SUN1: variants seen among roughly 807,000 people sequenced by gnomAD.
SUN1 encodes SUN domain-containing protein 1.
A neutral mutation model predicts 103.2 loss-of-function variants in SUN1; 61 were observed. The ratio of observed to expected loss-of-function variants is 0.59; its 90% confidence interval spans 0.48 to 0.73. The LOEUF is 0.73. SUN1 is among the 30% of genes least tolerant of loss of function. SUN1 has a pLI of 0.00. For missense variants in SUN1, 1,052 were observed against 1,034.6 expected (o/e 1.02, Z -0.23); for synonymous variants, 490 against 425.7 (o/e 1.15, Z -1.86).
intron 1 of SUN1, among the ~76,000 whole-genome samples, chr7:819,867 C>T (rs1784400699): frequency 6.6e-6 from 1 of 152,120 alleles, no homozygotes; most frequent in South Asian, 2.1e-4. Flanking sequence ...CGCCACCACA[C>T]ACAGCTAATT....
At chr7:860,610 T>G (rs531984304) in intron 14 of SUN1, among the ~76,000 whole-genome samples, 6 of 152,344 alleles carry the variant, frequency 3.9e-5, no homozygotes, top group East Asian at 1.9e-4. Flanking sequence ...CTGAGCTGCT[T>G]CTTGGGAGTT....
chr7:838,186 G>A (rs985245093), intron 1 of SUN1, among the ~76,000 whole-genome samples: 8 of 152,176 alleles, frequency 5.3e-5, no homozygotes, highest in Middle Eastern at 3.2e-3. Flanking sequence ...CCTAAGTGCT[G>A]GGATTGCAGG....
At chr7:833,863 G>C (rs988907677) in intron 1 of SUN1, among the ~76,000 whole-genome samples, 16 of 152,248 alleles carry the variant, frequency 1.1e-4, no homozygotes, top group African/African-American at 7.2e-5. Context: ...CGTGCAGCAT[G>C]AAACAGTGAT....
At position 823,616 on chromosome 7, in the gene SUN1, G is replaced by A. The variant is rs777786939; in HGVS notation, c.-74+6943G>A. Among the ~76,000 whole-genome samples the A allele has an allele frequency of 2.6e-5, 4 of 152,312 alleles. No individual in the cohort carries two copies. In the Middle Eastern group the frequency reaches 0.01, roughly 389 times the overall value. The stretch of plus-strand genomic sequence containing the variant: ...AAGTAGCAGCATTTGCACCAGTGCC[G>A]TGTGTGCAGGCAGCCATGGGGGGAG... On this transcript the variant is annotated intron_variant, in intron 1 of 17. Coordinates refer to the SUN1 transcript ENST00000389574.
intron 15 of SUN1, among the ~76,000 whole-genome samples, chr7:863,129 G>C (rs10258320): frequency 6.6e-6 from 1 of 150,640 alleles, no homozygotes; most frequent in East Asian, 2.0e-4. Flanking sequence ...GTGACAGAGC[G>C]AGACTCCATC....
chr7:839,942 C>A (rs771406605), intron 2 of SUN1, among the ~76,000 whole-genome samples: 2 of 152,196 alleles, frequency 1.3e-5, no homozygotes, highest in Non-Finnish European at 2.9e-5. Flanking sequence ...TTGCGTTCGT[C>A]GAGTTCATTT....
At chr7:843,182 G>T in intron 3 of SUN1, 24 bp from the exon 4 acceptor site, 1 of 1,588,320 alleles carries the variant, frequency 6.3e-7, no homozygotes. Flanking sequence ...AAAAATGTGT[G>T]TGTGTGTGTG....
chr7:841,970 A>C lies in SUN1; in HGVS notation c.291A>C (p.Thr97=). Residue 97 remains threonine (T), a synonymous_variant, in exon 3 of 19, where the codon ACA becomes ACC. Coordinates refer to ENST00000401592, the MANE Select transcript of SUN1 (RefSeq NM_001130965.3). The part of the protein sequence containing the change: ...AARTTKQRRS[T]NKSAFSINHV... Reference sequence around the variant, plus strand: ...GAACAACAAAACAGCGCAGAAGCACAAACAAATCAGCTTTTAGTATCAACC... The same window carrying C: ...GAACAACAAAACAGCGCAGAAGCACCAACAAATCAGCTTTTAGTATCAACC... The C allele has an allele frequency of 6.2e-7, 1 of 1,614,168 alleles. No individual in the cohort carries two copies. Among genetic ancestry groups the C allele is most frequent in the Non-Finnish European group, 8.5e-7 (1 of 1,180,034 alleles).
chr7:849,932 G>A (rs1018971061), intron 5 of SUN1: 10 of 1,597,318 alleles, frequency 6.3e-6, no homozygotes, highest in Non-Finnish European at 8.5e-6. Context: ...GGCGACGACT[G>A]TAAGGGCAAG....
intron 7 of SUN1, 56 bp from the exon 8 acceptor site, chr7:852,553 T>A: frequency 6.2e-7 from 1 of 1,606,864 alleles, no homozygotes; most frequent in East Asian, 2.2e-5. Flanking sequence ...GAAAACAGAT[T>A]GGTGAACCCT....
chr7:856,246 T>C (rs1242051113), intron 11 of SUN1, 112 bp from the exon 12 acceptor site: 1 of 1,118,576 alleles, frequency 8.9e-7, no homozygotes, highest in Non-Finnish European at 1.3e-6. Context: ...GATCTGGACT[T>C]TGAATTAAAG....
intron 1 of SUN1, chr7:832,866 T>A (rs1029896849): frequency 8.8e-6 from 4 of 456,472 alleles, no homozygotes; most frequent in Non-Finnish European, 1.6e-5. Context: ...GTGGTTGTGA[T>A]GTTGAGAAGA....
At chr7:856,304 A>G in intron 11 of SUN1, 54 bp from the exon 12 acceptor site, 1 of 1,568,844 alleles carries the variant, frequency 6.4e-7, no homozygotes, top group Non-Finnish European at 8.8e-7. Flanking sequence ...TGGTTTTATG[A>G]AAAGTTAATA....
At chr7:840,673 A>G (rs1156877352) in intron 2 of SUN1, among the ~76,000 whole-genome samples, 2 of 130,160 alleles carry the variant, frequency 1.5e-5, no homozygotes, top group African/African-American at 6.0e-5. Context: ...ACGGAGTCTC[A>G]CTCTGTCTCC....
At chr7:817,344 C>G (rs2128107866) in intron 1 of SUN1, 1 of 1,413,968 alleles carries the variant, frequency 7.1e-7, no homozygotes, top group Non-Finnish European at 9.6e-7. Context: ...TCGCCCCAGC[C>G]TGCCTGGAGG....
chr7:843,317 C>A (rs934721878), intron 4 of SUN1, 24 bp from the exon 5 acceptor site: 2 of 1,602,574 alleles, frequency 1.2e-6, no homozygotes, highest in South Asian at 1.1e-5. Context: ...TAAACAGGTT[C>A]CATCTACTGT....
intron 13 of SUN1, among the ~76,000 whole-genome samples, chr7:858,880 C>T (rs1585045320): frequency 2.0e-5 from 3 of 152,094 alleles, no homozygotes; most frequent in South Asian, 2.1e-4. Flanking sequence ...ATAGGCCGGG[C>T]GCCGCGGCTC....
At chr7:836,208 A>G (rs56320229) in intron 1 of SUN1, among the ~76,000 whole-genome samples, 48 of 152,192 alleles carry the variant, frequency 3.2e-4, no homozygotes, top group African/African-American at 1.1e-3. Context: ...GAAGCTGAAG[A>G]TGTAGGAGAA....
At position 849,453 on chromosome 7, in the gene SUN1, C is replaced by T. The variant is rs536689449; in HGVS notation, c.659-1931C>T. 1.6e-4 allele frequency: 196 copies of T among 1,188,456 alleles called. No homozygotes were observed. The African/African-American group carries it at 2.9e-3, about 18-fold the overall frequency. The allele number at this position is 1,188,456 out of a possible 1,614,324, so 73.6% of individuals were successfully genotyped here. A position where few individuals can be genotyped will look rare whatever the true frequency, so the allele number is the denominator to read the frequency against. On this transcript the variant is annotated intron_variant, in intron 5 of 18. Transcript: ENST00000401592. ...CATCCTCTGATCATGTTGACTTCAT[C>T]AGGGTGCGAGAAGCACTTGAGCTTG... is the stretch of plus-strand genomic sequence containing the variant.
Sources: gnomAD v4.1 joint callset for allele counts (sites outside exome capture counted in the v4.1 genomes callset) on GRCh38, gnomAD v4.1.1 for gene constraint, MANE v1.5 for transcripts, NCBI Gene and HGNC (gene_info 2026-07-23, HGNC 2026-07-21) for gene names.